The following TMEM132B variants were observed in gnomAD, a reference collection of about 807,000 sequenced individuals.
TMEM132B encodes transmembrane protein 132B.
In TMEM132B, 18 loss-of-function variants were observed where a neutral mutation model predicts 90.8. The observed-to-expected ratio is 0.20, with a 90% confidence interval of 0.14 to 0.29. The LOEUF (loss-of-function observed/expected upper bound fraction) is 0.29, where lower values mean the gene tolerates loss of function less well. Among genes scored for constraint, TMEM132B ranks in the 10% least tolerant of loss-of-function variants. The probability of loss-of-function intolerance (pLI) is 1.00; values close to 1 mark genes in which losing one functional copy is unlikely to be tolerated. For missense variants in TMEM132B, 1,096 were observed against 1,326.8 expected, an observed-to-expected ratio of 0.83 and a Z score of 2.70; for synonymous variants, 504 against 523.3, an observed-to-expected ratio of 0.96 and a Z score of 0.50.
chr12:125,404,556 G>T (rs548300126), intron 2 of TMEM132B, among the ~76,000 whole-genome samples: 3 of 152,166 alleles, frequency 2.0e-5, no homozygotes, highest in Admixed American at 6.5e-5. Flanking sequence ...GCTGATCCAC[G>T]TCTTTGTTCC....
At chr12:125,499,576 C>G (rs919513298) in intron 3 of TMEM132B, among the ~76,000 whole-genome samples, 2 of 152,138 alleles carry the variant, frequency 1.3e-5, no homozygotes, top group Admixed American at 6.5e-5. Context: ...GAATGCGACC[C>G]TTATGGAGAG....
chr12:125,230,972 A>G lies in TMEM132B; in HGVS notation c.67+44106A>G, dbSNP rs116411812. Among the ~76,000 whole-genome samples, 928 of 152,242 alleles carry G rather than the reference A, an allele frequency of 6.1e-3. 8 individuals carry two copies. Among genetic ancestry groups the G allele is most frequent in the African/African-American group, 0.021 (884 of 41,548 alleles). On this transcript the variant is annotated intron_variant, in intron 1 of 8. Transcript: ENST00000682704. ...GTTATACTAATTTCCTATGGCTGCC[A>G]TATCAAATTGCCACAAATCTGGTGG...
At chr12:125,452,804 G>T (rs1418947383) in intron 3 of TMEM132B, among the ~76,000 whole-genome samples, 1 of 151,894 alleles carries the variant, frequency 6.6e-6, no homozygotes, top group Non-Finnish European at 1.5e-5. Context: ...CGTGTCATTT[G>T]CCCACTAGCT....
Position 125,655,133 on chromosome 12 carries a change from A to G in TMEM132B, c.*423A>G. 1 of 165,762 alleles carries G rather than the reference A, an allele frequency of 6.0e-6. No individual in the cohort carries two copies. The highest frequency in any genetic ancestry group is 1.3e-5 in the Non-Finnish European group (1 of 75,898). The allele number at this position is 165,762 out of a possible 1,614,324, so 10.3% of individuals were successfully genotyped here. On this transcript the variant is annotated 3_prime_UTR_variant, in exon 9 of 9. Coordinates refer to ENST00000682704, the MANE Select transcript of TMEM132B (RefSeq NM_001366854.1). ...TTGGCCTGAGTTTAGACATACATGA[A>G]AGATGACTGAATGTAGCTATCCTGA... is the stretch of plus-strand genomic sequence containing the variant.
In TMEM132B at chr12:125,648,815, C is replaced by T. The variant is rs1016123282; in HGVS notation, c.1644-1868C>T. ...GCTAGCACAAATGGTCAACTAGTGT[C>T]ATTTATCATAAAATAAATTTAACCT... is the stretch of plus-strand genomic sequence containing the variant. On this transcript the variant is annotated intron_variant, in intron 6 of 8. Coordinates refer to ENST00000682704, the MANE Select transcript of TMEM132B (RefSeq NM_001366854.1). Among the ~76,000 whole-genome samples the T allele has an allele frequency of 2.6e-5, 4 of 152,182 alleles. No individual in the cohort carries two copies. The East Asian group carries it at 7.7e-4, about 29-fold the overall frequency.
chr12:125,547,208 G>A (rs974631625), intron 4 of TMEM132B, among the ~76,000 whole-genome samples: 3 of 152,188 alleles, frequency 2.0e-5, no homozygotes, highest in African/African-American at 7.2e-5. Flanking sequence ...AATTTTGTAA[G>A]AAACTGCCCA....
chr12:125,242,506 C>T (rs933197600), intron 1 of TMEM132B, among the ~76,000 whole-genome samples: 3 of 152,168 alleles, frequency 2.0e-5, no homozygotes, highest in Non-Finnish European at 4.4e-5. Context: ...AGAACCTGGC[C>T]TTGAGCCTAG....
At position 125,525,774 on chromosome 12, in the gene TMEM132B, C is replaced by T. The variant is rs543526677; in HGVS notation, c.1293+6149C>T. On this transcript the variant is annotated intron_variant, in intron 4 of 8. Transcript: ENST00000682704. ...CCCAGCTTTCTTGCTAAAAGGGCCT[C>T]GGTTATGATCTTTGCCCACTGAGTG... Among the ~76,000 whole-genome samples, 9 of 152,240 alleles carry T rather than the reference C, an allele frequency of 5.9e-5. No homozygotes were observed. The South Asian group carries it at 1.5e-3, about 25-fold the overall frequency.
In TMEM132B at chr12:125,490,406, T is replaced by C. The variant is rs994126593; in HGVS notation, c.1107-29033T>C. 1.3e-5 allele frequency among the ~76,000 whole-genome samples: 2 copies of C among 152,184 alleles called. No homozygotes were observed. The highest frequency in any genetic ancestry group is 2.9e-5 in the Non-Finnish European group (2 of 68,030). ...AGGCCTGTGGTAGTATTCAAACATATGTACAAGTTCTTTGGATACTCCCCT... is the reference window on the plus strand; with the variant it reads ...AGGCCTGTGGTAGTATTCAAACATACGTACAAGTTCTTTGGATACTCCCCT... On this transcript the variant is annotated intron_variant, in intron 3 of 8. Coordinates refer to ENST00000682704, the MANE Select transcript of TMEM132B (RefSeq NM_001366854.1). The surrounding 1 kb of genome is among the most constrained non-coding windows in gnomAD (Gnocchi z 4.2).
intron 5 of TMEM132B, among the ~76,000 whole-genome samples, chr12:125,597,489 T>C (rs1056826547): frequency 1.3e-5 from 2 of 152,204 alleles, no homozygotes; most frequent in Non-Finnish European, 2.9e-5. Context: ...TCTTCAAACC[T>C]ATCAAGGCAT....
At chr12:125,565,819 G>A (rs532654461) in intron 4 of TMEM132B, among the ~76,000 whole-genome samples, 1 of 152,210 alleles carries the variant, frequency 6.6e-6, no homozygotes, top group Non-Finnish European at 1.5e-5. Flanking sequence ...TACAGGACAG[G>A]GGGGCATGGA....
At chr12:125,501,823 A>G (rs1325180065) in intron 3 of TMEM132B, among the ~76,000 whole-genome samples, 2 of 152,226 alleles carry the variant, frequency 1.3e-5, no homozygotes, top group Admixed American at 1.3e-4. Flanking sequence ...TGTACTGTAT[A>G]GGGCAGAGTG....
intron 3 of TMEM132B, among the ~76,000 whole-genome samples, chr12:125,497,377 A>G (rs1298955362): frequency 6.6e-6 from 1 of 152,210 alleles, no homozygotes; most frequent in Non-Finnish European, 1.5e-5. Context: ...AGTTTGAGGA[A>G]TATTTCAGGC....
intron 1 of TMEM132B, among the ~76,000 whole-genome samples, chr12:125,321,668 G>C (rs1343430772): frequency 1.3e-5 from 2 of 151,900 alleles, no homozygotes; most frequent in Non-Finnish European, 2.9e-5. Context: ...AGTAGAGCCA[G>C]TGTTTCACTA....
chr12:125,382,114 A>C (rs1878702492), intron 2 of TMEM132B, among the ~76,000 whole-genome samples: 1 of 152,212 alleles, frequency 6.6e-6, no homozygotes, highest in Admixed American at 6.5e-5. Flanking sequence ...TTGTTTGCAC[A>C]CAGGTAACTC....
intron 1 of TMEM132B, among the ~76,000 whole-genome samples, chr12:125,247,421 G>C (rs1007636607): frequency 6.6e-6 from 1 of 152,132 alleles, no homozygotes; most frequent in African/African-American, 2.4e-5. Flanking sequence ...ATTCACAGAT[G>C]ATGCGACATG....
rs542367633 is a variant in TMEM132B, at chr12:125,599,096, C to G, written c.1437+15102C>G. Among the ~76,000 whole-genome samples, 9 of 152,256 alleles carry G rather than the reference C, an allele frequency of 5.9e-5. No homozygotes were observed. The South Asian group carries it at 1.9e-3, about 32-fold the overall frequency. ...CAAATCTCATCTTGAATTATAGCTC[C>G]CATAATCCTCATGTGTCATAGGAGG... On this transcript the variant is annotated intron_variant, in intron 5 of 8. Coordinates refer to ENST00000682704, the MANE Select transcript of TMEM132B (RefSeq NM_001366854.1).
intron 5 of TMEM132B, among the ~76,000 whole-genome samples, chr12:125,604,956 A>G (rs1177259245): frequency 3.3e-5 from 5 of 152,200 alleles, no homozygotes; most frequent in African/African-American, 9.7e-5. Context: ...GTGCACAAGG[A>G]AAGAAAGTTT....
chr12:125,265,904 A>C (rs1411714389), intron 1 of TMEM132B, among the ~76,000 whole-genome samples: 1 of 152,100 alleles, frequency 6.6e-6, no homozygotes, highest in Admixed American at 6.5e-5. Flanking sequence ...TGAGCTAAGA[A>C]TAGTTTTTAA....
Sources: gnomAD v4.1 joint callset for allele counts (sites outside exome capture counted in the v4.1 genomes callset) on GRCh38, gnomAD v4.1.1 for gene constraint, Gnocchi (gnomAD v3.1) non-coding constraint, MANE v1.5 for transcripts, NCBI Gene and HGNC (gene_info 2026-07-23, HGNC 2026-07-21) for gene names.